The following PKD1L1 variants were observed in gnomAD, a reference collection of about 807,000 sequenced individuals.
The protein encoded by PKD1L1 is polycystin-1-like protein 1.
A neutral mutation model predicts 323.4 loss-of-function variants in PKD1L1; 236 were observed. That is an observed-to-expected ratio of 0.73 (90% CI 0.66 to 0.81). The LOEUF (loss-of-function observed/expected upper bound fraction) is 0.81, where lower values mean the gene tolerates loss of function less well. PKD1L1 is among the 40% of genes least tolerant of loss of function. PKD1L1 has a pLI of 0.00. For missense variants in PKD1L1, 3,320 were observed against 3,508.0 expected (o/e 0.95, Z 1.35); for synonymous variants, 1,344 against 1,335.0 (o/e 1.01, Z -0.15).
intron 52 of PKD1L1, among the ~76,000 whole-genome samples, chr7:47,807,147 G>A (rs887443722): frequency 2.0e-5 from 3 of 152,072 alleles, no homozygotes; most frequent in Admixed American, 2.0e-4. Flanking sequence ...CGAGTGTTCT[G>A]TCTCATCAGA....
At chr7:47,795,261 T>C (rs571850060) in intron 55 of PKD1L1, 1 of 422,900 alleles carries the variant, frequency 2.4e-6, no homozygotes, top group African/African-American at 2.1e-5. Flanking sequence ...GGGAGGTAAT[T>C]GAATCATAGG....
At chr7:47,781,504 G>C (rs530526032) in intron 56 of PKD1L1, among the ~76,000 whole-genome samples, 1 of 151,030 alleles carries the variant, frequency 6.6e-6, no homozygotes, top group South Asian at 2.1e-4. Context: ...CGCCTCCTGG[G>C]TTCATGCCAT....
At chr7:47,940,340 A>C (rs1287812166) in intron 2 of PKD1L1, 23 bp from the exon 3 acceptor site, 1 of 1,605,654 alleles carries the variant, frequency 6.2e-7, no homozygotes, top group East Asian at 2.2e-5. Flanking sequence ...AAAAAAGCAA[A>C]CATTCTGAAG....
At chr7:47,916,956 C>G (rs1787441882) in intron 7 of PKD1L1, among the ~76,000 whole-genome samples, 1 of 152,082 alleles carries the variant, frequency 6.6e-6, no homozygotes, top group South Asian at 2.1e-4. Flanking sequence ...AGCTCACCAG[C>G]AAGGAGCCCA....
At chr7:47,891,602 G>A (rs139727824) in intron 15 of PKD1L1, among the ~76,000 whole-genome samples, 136 of 152,358 alleles carry the variant, frequency 8.9e-4, no homozygotes, top group African/African-American at 3.2e-3. Flanking sequence ...TGTTTCCAGA[G>A]CCTGCATAAA....
chr7:47,811,890 G>A lies in PKD1L1; in HGVS notation c.7508C>T (p.Pro2503Leu), dbSNP rs1049158429. 4.3e-6 allele frequency: 7 copies of A among 1,611,010 alleles called. No homozygotes were observed. In the African/African-American group the frequency reaches 6.7e-5, roughly 15 times the overall value. Residue 2503 changes from proline (P) to leucine (L), a missense_variant, in exon 50 of 57, where the codon CCC becomes CTC. By Grantham distance (98) the Pro-to-Leu change is moderately conservative. Transcript: ENST00000289672. ...GCTGAATGACTCCACCAGGGATGAG[G>A]GGACGAGACTCCCCGTAGGGAGGAT... ...VEILPTGSLV[P>L]SSLVESFSIF...
At chr7:47,882,193 A>T in intron 19 of PKD1L1, 108 bp from the exon 20 acceptor site, 1 of 1,115,316 alleles carries the variant, frequency 9.0e-7, no homozygotes, top group Non-Finnish European at 1.3e-6. Context: ...CTATTGCTGG[A>T]TACCGCCTAT....
chr7:47,929,197 A>C lies in PKD1L1; in HGVS notation c.1060+7T>G, dbSNP rs2128755140. 6.2e-7 allele frequency: 1 copy of C among 1,612,708 alleles called. No homozygotes were observed. The highest frequency in any genetic ancestry group is 8.5e-7 in the Non-Finnish European group (1 of 1,179,020). On this transcript the variant is annotated splice_region_variant and intron_variant, in intron 7 of 56. Transcript: ENST00000289672. ...CAGGCTCCTGATAAGGACACCATGC[A>C]CCTTACCTTTTGAGTACTGGTGGTA... is the stretch of plus-strand genomic sequence containing the variant.
intron 24 of PKD1L1, among the ~76,000 whole-genome samples, chr7:47,868,673 C>T (rs890321763): frequency 1.3e-5 from 2 of 152,006 alleles, no homozygotes; most frequent in Non-Finnish European, 2.9e-5. Flanking sequence ...GTCGGGAGTT[C>T]GAGACCAGCC....
At chr7:47,911,923 G>C (rs1447523206) in intron 8 of PKD1L1, among the ~76,000 whole-genome samples, 2 of 147,454 alleles carry the variant, frequency 1.4e-5, no homozygotes, top group African/African-American at 5.0e-5. Flanking sequence ...GAGTAATGCT[G>C]TGAAGAAAAA....
intron 16 of PKD1L1, among the ~76,000 whole-genome samples, chr7:47,888,761 T>A (rs1040668100): frequency 5.3e-5 from 8 of 152,044 alleles, no homozygotes; most frequent in South Asian, 2.1e-4. Context: ...GGGCCTGCAT[T>A]CCATGGCTGC....
chr7:47,824,012 T>C (rs1477097434), intron 45 of PKD1L1, among the ~76,000 whole-genome samples: 2 of 152,262 alleles, frequency 1.3e-5, no homozygotes, highest in Non-Finnish European at 2.9e-5. Context: ...TGTGAGCCTC[T>C]TCAAACTGGC....
chr7:47,811,520 T>TG (rs1450503275), intron 50 of PKD1L1, among the ~76,000 whole-genome samples: 1 of 152,192 alleles, frequency 6.6e-6, no homozygotes, highest in Non-Finnish European at 1.5e-5. Flanking sequence ...GCTAAATCCC[T>TG]GGGGGGATCT....
At chr7:47,912,922 A>G (rs1376417252) in intron 8 of PKD1L1, among the ~76,000 whole-genome samples, 1 of 152,092 alleles carries the variant, frequency 6.6e-6, no homozygotes, top group African/African-American at 2.4e-5. Context: ...GAATCACCAC[A>G]AGGTAAGAAA....
chr7:47,954,773 T>TA, the PKD1L1 span, among the ~76,000 whole-genome samples: 2 of 152,208 alleles, frequency 1.3e-5, no homozygotes, highest in Non-Finnish European at 1.5e-5. Context: ...TCAGCATGTT[T>TA]AGTCACTGTT....
At chr7:47,934,966 G>A (rs1317916785) in intron 4 of PKD1L1, among the ~76,000 whole-genome samples, 2 of 152,162 alleles carry the variant, frequency 1.3e-5, no homozygotes, top group African/African-American at 4.8e-5. Flanking sequence ...AGCTAAGCAG[G>A]AGGTGGGAGG....
rs1386564827 is a variant in PKD1L1 at position 47,865,375 on chromosome 7, AT to A, written c.4093-104del. Reference sequence around the variant, plus strand: ...GCTTGCCTATGTAGAAATAGTACAGATTCCCTGCTTTTTGGCCAAAAGACCA... The same window carrying A: ...GCTTGCCTATGTAGAAATAGTACAGATCCCTGCTTTTTGGCCAAAAGACCA... On this transcript the variant is annotated intron_variant, in intron 25 of 56. Coordinates refer to ENST00000289672, the MANE Select transcript of PKD1L1 (RefSeq NM_138295.5). 73 of 1,024,312 alleles carry A rather than the reference AT, an allele frequency of 7.1e-5. 1 individual carries two copies. Among genetic ancestry groups the A allele is most frequent in the Non-Finnish European group, 1.1e-4 (73 of 691,364 alleles). The allele number at this position is 1,024,312 out of a possible 1,614,324, so 63.5% of individuals were successfully genotyped here.
intron 36 of PKD1L1, among the ~76,000 whole-genome samples, chr7:47,837,896 G>A (rs1461067057): frequency 6.6e-6 from 1 of 152,224 alleles, no homozygotes; most frequent in African/African-American, 2.4e-5. Flanking sequence ...CTAACAGAAT[G>A]AGAATATATC....
intron 20 of PKD1L1, among the ~76,000 whole-genome samples, chr7:47,881,655 C>T (rs80157881): frequency 0.02 from 2,998 of 152,308 alleles, 90 homozygotes; most frequent in African/African-American, 0.068. Flanking sequence ...GAGCACAGAA[C>T]GTGCAGCACT....
Sources: allele counts gnomAD v4.1 joint callset (sites outside exome capture counted in the v4.1 genomes callset), GRCh38; gene constraint gnomAD v4.1.1; transcripts MANE v1.5; gene names NCBI Gene and HGNC (gene_info 2026-07-23, HGNC 2026-07-21).